The following GTF2IRD1 variants were observed in gnomAD, a reference collection of about 807,000 sequenced individuals.
GTF2IRD1 encodes general transcription factor II-I repeat domain-containing protein 1.
A neutral mutation model predicts 113.2 loss-of-function variants in GTF2IRD1; 26 were observed. That is an observed-to-expected ratio of 0.23 (90% CI 0.17 to 0.32). The LOEUF is 0.32. GTF2IRD1 is among the 10% of genes least tolerant of loss of function. The pLI is 1.00. For missense variants in GTF2IRD1, 864 were observed against 1,280.8 expected, an observed-to-expected ratio of 0.67 and a Z score of 4.97; for synonymous variants, 484 against 529.1, an observed-to-expected ratio of 0.91 and a Z score of 1.17.
At chr7:74,496,378 ATG>A (rs200996481) in intron 1 of GTF2IRD1, among the ~76,000 whole-genome samples, 1,478 of 122,962 alleles carry the variant, frequency 0.012, 28 homozygotes, top group African/African-American at 0.044. Context: ...GTGTGCATAT[ATG>A]TGTGTGATAT....
chr7:74,503,962 T>C (rs10267880), intron 1 of GTF2IRD1, among the ~76,000 whole-genome samples: 15,939 of 152,096 alleles, frequency 0.1, 2,050 homozygotes, highest in East Asian at 0.38. Context: ...TCTTTATGTC[T>C]GTGAGTACCC....
At chr7:74,581,474 C>T (rs1353080137) in intron 22 of GTF2IRD1, among the ~76,000 whole-genome samples, 2 of 152,222 alleles carry the variant, frequency 1.3e-5, no homozygotes, top group East Asian at 1.9e-4. Context: ...CGGTATTGCT[C>T]CTGCCCCTGC....
chr7:74,499,420 G>A (rs1795902138), intron 1 of GTF2IRD1, among the ~76,000 whole-genome samples: 3 of 151,380 alleles, frequency 2.0e-5, no homozygotes, highest in African/African-American at 7.3e-5. Context: ...AGGAAGGAAG[G>A]AAGAGAAGGG....
At chr7:74,601,730 C>T (rs868917809) in intron 26 of GTF2IRD1, 5 of 215,738 alleles carry the variant, frequency 2.3e-5, no homozygotes, top group Admixed American at 5.1e-5. Context: ...TGCAATGAGC[C>T]GAGGTCGCGC....
At chr7:74,477,231 G>T (rs1554333708) in intron 1 of GTF2IRD1, among the ~76,000 whole-genome samples, 2 of 152,114 alleles carry the variant, frequency 1.3e-5, no homozygotes, top group Non-Finnish European at 2.9e-5. Flanking sequence ...ACACATGCCA[G>T]TGCGCACCTG....
intron 22 of GTF2IRD1, among the ~76,000 whole-genome samples, chr7:74,575,893 C>T (rs1390598777): frequency 6.6e-6 from 1 of 152,080 alleles, no homozygotes; most frequent in African/African-American, 2.4e-5. Flanking sequence ...AGCCTTAAAA[C>T]AGGCCGGGTC....
intron 1 of GTF2IRD1, among the ~76,000 whole-genome samples, chr7:74,458,539 TTCTC>T (rs1410722479): frequency 2.6e-5 from 4 of 152,034 alleles, no homozygotes; most frequent in Non-Finnish European, 1.5e-5. Context: ...ACTTTGGAAG[TTCTC>T]AGTCAGGTAT....
At chr7:74,570,318 A>C (rs370864369) in intron 22 of GTF2IRD1, among the ~76,000 whole-genome samples, 9 of 151,432 alleles carry the variant, frequency 5.9e-5, no homozygotes, top group African/African-American at 2.2e-4. Context: ...AGCTGAGATC[A>C]CACCACTGCA....
intron 22 of GTF2IRD1, among the ~76,000 whole-genome samples, chr7:74,581,314 A>G (rs1444929370): frequency 2.0e-5 from 3 of 152,186 alleles, no homozygotes; most frequent in Non-Finnish European, 2.9e-5. Context: ...GAGCCACCGC[A>G]TGCCCGGCCC....
chr7:74,562,267 G>A (rs1272016974), intron 22 of GTF2IRD1, among the ~76,000 whole-genome samples: 4 of 152,148 alleles, frequency 2.6e-5, no homozygotes, highest in African/African-American at 4.8e-5. Flanking sequence ...TTCATCTGGA[G>A]GCAGGTGTCC....
chr7:74,485,430 A>G (rs931087720), intron 1 of GTF2IRD1, among the ~76,000 whole-genome samples: 5 of 151,748 alleles, frequency 3.3e-5, no homozygotes, highest in Non-Finnish European at 7.4e-5. Flanking sequence ...ATCCTGGCTA[A>G]CACGGTGAAA....
chr7:74,557,035 G>A (rs1799641995), intron 19 of GTF2IRD1, among the ~76,000 whole-genome samples: 1 of 152,114 alleles, frequency 6.6e-6, no homozygotes. Context: ...GAGCTTGGGG[G>A]TTCGAGGCCA....
At chr7:74,536,064 C>A in intron 10 of GTF2IRD1, 103 bp from the exon 11 acceptor site, 5 of 739,092 alleles carry the variant, frequency 6.8e-6, no homozygotes, top group Non-Finnish European at 1.2e-5. Flanking sequence ...CAGGCCCTAT[C>A]CCCGGGATTC....
intron 1 of GTF2IRD1, among the ~76,000 whole-genome samples, chr7:74,486,081 C>T (rs1795008144): frequency 1.3e-5 from 2 of 152,006 alleles, no homozygotes; most frequent in African/African-American, 4.8e-5. Flanking sequence ...AGCAGTTCTC[C>T]TGCCTCAGCC....
At chr7:74,562,536 A>G (rs1465857180) in intron 22 of GTF2IRD1, among the ~76,000 whole-genome samples, 1 of 71,846 alleles carries the variant, frequency 1.4e-5, no homozygotes, top group African/African-American at 6.0e-5. Flanking sequence ...TGGGAGGACT[A>G]TTTTCCGCCA....
At chr7:74,563,755 A>G (rs1800121352) in intron 22 of GTF2IRD1, among the ~76,000 whole-genome samples, 1 of 151,832 alleles carries the variant, frequency 6.6e-6, no homozygotes, top group Non-Finnish European at 1.5e-5. Flanking sequence ...GCACGGTGGC[A>G]CGCACCTGTA....
intron 1 of GTF2IRD1, among the ~76,000 whole-genome samples, chr7:74,462,406 A>G (rs1272610319): frequency 1.3e-5 from 2 of 152,174 alleles, no homozygotes; most frequent in African/African-American, 2.4e-5. Context: ...ATGGTTTTCC[A>G]TTTGTACAAT....
intron 22 of GTF2IRD1, among the ~76,000 whole-genome samples, chr7:74,586,027 G>C (rs781802399): frequency 3.9e-5 from 6 of 152,164 alleles, no homozygotes; most frequent in Admixed American, 1.3e-4. Flanking sequence ...CCTTGGGCAA[G>C]TTTCTTTACC....
chr7:74,574,620 A>C (rs1177645648), intron 22 of GTF2IRD1, among the ~76,000 whole-genome samples: 1 of 150,950 alleles, frequency 6.6e-6, no homozygotes, highest in Admixed American at 6.6e-5. Context: ...CCACCGTGCC[A>C]GGCTAATTTT....
Sources: allele counts gnomAD v4.1 joint callset (sites outside exome capture counted in the v4.1 genomes callset), GRCh38; gene constraint gnomAD v4.1.1; transcripts MANE v1.5; gene names NCBI Gene and HGNC (gene_info 2026-07-23, HGNC 2026-07-21).